The following ACAD9 variants were observed in gnomAD, a reference collection of about 807,000 sequenced individuals.
The protein encoded by ACAD9 is acyl-CoA dehydrogenase family member 9.
ACAD9 carries 53 observed loss-of-function variants against 70.2 expected under a neutral mutation model. The observed-to-expected ratio is 0.75, with a 90% CI of 0.61 to 0.95. The LOEUF (loss-of-function observed/expected upper bound fraction) is 0.95. ACAD9 is among the 40% of genes least tolerant of loss of function. The probability of loss-of-function intolerance (pLI) is 0.00; values close to 1 mark genes in which losing one functional copy is unlikely to be tolerated. For synonymous variants in ACAD9, 313 were observed against 312.1 expected (o/e 1.00, Z -0.03); for missense variants, 777 against 802.8 (o/e 0.97, Z 0.39).
intron 2 of ACAD9, among the ~76,000 whole-genome samples, chr3:128,892,740 G>A (rs1159695235): frequency 6.6e-6 from 1 of 152,222 alleles, no homozygotes; most frequent in African/African-American, 2.4e-5. Flanking sequence ...TGTGGATTGT[G>A]CTGAAAGCAG....
At chr3:128,892,419 A>G (rs185753100) in intron 2 of ACAD9, among the ~76,000 whole-genome samples, 1 of 152,322 alleles carries the variant, frequency 6.6e-6, no homozygotes, top group South Asian at 2.1e-4. Flanking sequence ...TATAATACTG[A>G]TGAAGTTTAA....
At chr3:128,910,904 G>C (rs1559835016) in intron 17 of ACAD9, 91 bp downstream of exon 17, 1 of 1,459,656 alleles carries the variant, frequency 6.9e-7, no homozygotes, top group African/African-American at 1.4e-5. Context: ...CAAGCTCCCA[G>C]AGCCTGCTAG....
chr3:128,887,077 G>A (rs1232205692), intron 2 of ACAD9, among the ~76,000 whole-genome samples: 2 of 151,938 alleles, frequency 1.3e-5, no homozygotes, highest in Admixed American at 6.6e-5. Flanking sequence ...AGCACGCACC[G>A]CCACGCCTGG....
chr3:128,908,355 C>A, intron 13 of ACAD9, 91 bp downstream of exon 13: 1 of 1,465,876 alleles, frequency 6.8e-7, no homozygotes, highest in Non-Finnish European at 9.5e-7. Context: ...GCTGCCTTGA[C>A]CTGGAGTGGG....
intron 2 of ACAD9, 39 bp from the exon 3 acceptor site, chr3:128,893,516 T>TATA: frequency 7.0e-7 from 1 of 1,433,576 alleles, no homozygotes; most frequent in Non-Finnish European, 9.8e-7. Flanking sequence ...TGTAGAAACA[T>TATA]AGCTTATATT....
intron 9 of ACAD9, among the ~76,000 whole-genome samples, chr3:128,903,373 G>T (rs571254212): frequency 3.9e-5 from 6 of 152,342 alleles, no homozygotes; most frequent in Admixed American, 3.3e-4. Context: ...AATGAAAGCT[G>T]TCAGGCTCCA....
In ACAD9 at chr3:128,910,795, C is replaced by T; in HGVS notation, c.1747C>T (p.Leu583Phe). 6 of 1,614,168 alleles carry T rather than the reference C, an allele frequency of 3.7e-6. No individual in the cohort carries two copies. The highest frequency in any genetic ancestry group is 5.1e-6 in the Non-Finnish European group (6 of 1,180,032). Residue 583 changes from leucine (L) to phenylalanine (F), a missense_variant, in exon 17 of 18, where the codon CTC becomes TTC. Coordinates refer to ENST00000308982, the MANE Select transcript of ACAD9 (RefSeq NM_014049.5). ...AGCTTACTTGCAGAATCTCTTCAGC[C>T]TCTCTCAGCTGGACAAGTGTGAGTG... Reference protein sequence around the residue: ...VEAYLQNLFSLSQLDKYAPEN... With the variant: ...VEAYLQNLFSFSQLDKYAPEN...
chr3:128,898,684 G>A (rs1486270431), intron 6 of ACAD9, among the ~76,000 whole-genome samples: 1 of 152,182 alleles, frequency 6.6e-6, no homozygotes, highest in Non-Finnish European at 1.5e-5. Context: ...ACAGGCGTGA[G>A]CCACTGTGCC....
In ACAD9 at chr3:128,911,202, G is replaced by A. The variant is rs58042738; in HGVS notation, c.1765+389G>A. On this transcript the variant is annotated intron_variant, in intron 17 of 17. Transcript: ENST00000308982. ...CTCCCGAGTAGCTGGGATTACAGGC[G>A]CACGCCACCACGCCCGGCTAATTTT... Among the ~76,000 whole-genome samples, 292 of 151,702 alleles carry A rather than the reference G, an allele frequency of 1.9e-3. 2 individuals carry two copies. In the East Asian group the frequency reaches 0.033, roughly 17 times the overall value.
At position 128,909,335 on chromosome 3, in the gene ACAD9, G is replaced by C; in HGVS notation, c.1486-9G>C. On this transcript the variant is annotated splice_polypyrimidine_tract_variant and intron_variant, in intron 14 of 17. Transcript: ENST00000308982. ...GAGGTGCTGAACTGAGTCCTGTCTT[G>C]GTTAATAGGACAGTGCCAACAAGTT... is the stretch of plus-strand genomic sequence containing the variant. 1.2e-6 allele frequency: 2 copies of C among 1,614,108 alleles called. No homozygotes were observed. Among genetic ancestry groups the C allele is most frequent in the Non-Finnish European group, 1.7e-6 (2 of 1,179,950 alleles).
At chr3:128,898,222 G>A (rs1401372103) in intron 6 of ACAD9, among the ~76,000 whole-genome samples, 1 of 152,012 alleles carries the variant, frequency 6.6e-6, no homozygotes, top group Non-Finnish European at 1.5e-5. Context: ...TGTGTGCCTG[G>A]CTGGCCCTAA....
chr3:128,909,425 ACCAGGCCCTC>A lies in ACAD9; in HGVS notation c.1563+12_1563+21del, dbSNP rs2107663277. The A allele has an allele frequency of 6.2e-7, 1 of 1,613,974 alleles. No individual in the cohort carries two copies. The highest frequency in any genetic ancestry group is 8.5e-7 in the Non-Finnish European group (1 of 1,180,044). On this transcript the variant is annotated splice_donor_5th_base_variant and intron_variant, in intron 15 of 17. Transcript: ENST00000308982. Reference sequence around the variant, plus strand: ...ACTGCTGCTCCGCTTTGGCAAGGTAACCAGGCCCTCCCAGGCCTGGGTCGCAAGCGGTCCT... The same window carrying A: ...ACTGCTGCTCCGCTTTGGCAAGGTAACCAGGCCTGGGTCGCAAGCGGTCCT...
At position 128,909,373 on chromosome 3, in the gene ACAD9, C is replaced by T. The variant is rs773757097; in HGVS notation, c.1515C>T (p.Thr505=). The change falls in exon 15 of 18, where the codon ACC becomes ACT. Residue 505 remains threonine (T), a synonymous_variant. Transcript: ENST00000308982. ...ADSANKFEEN[T]YCFGRTVETL... is the part of the protein sequence containing the mutation. Reference sequence around the variant, plus strand: ...GTGCCAACAAGTTTGAGGAGAACACCTACTGCTTCGGCCGGACCGTGGAGA... The same window carrying T: ...GTGCCAACAAGTTTGAGGAGAACACTTACTGCTTCGGCCGGACCGTGGAGA... 4.3e-6 allele frequency: 7 copies of T among 1,614,200 alleles called. No individual in the cohort carries two copies. In the Admixed American group the frequency reaches 6.7e-5, roughly 15 times the overall value.
At chr3:128,887,644 A>AATAAATATATATATATATATATATAT (rs1436892805) in intron 2 of ACAD9, among the ~76,000 whole-genome samples, 49 of 133,020 alleles carry the variant, frequency 3.7e-4, no homozygotes, top group African/African-American at 1.3e-3. Context: ...AAAATAAATA[A>AATAAATATATATATATATATATATAT]ATATATATAT....
At position 128,901,879 on chromosome 3, in the gene ACAD9, C is replaced by T. The variant is rs1183150257; in HGVS notation, c.882+530C>T. Among the ~76,000 whole-genome samples, 3 of 152,172 alleles carry T rather than the reference C, an allele frequency of 2.0e-5. No homozygotes were observed. In the East Asian group the frequency reaches 5.8e-4, roughly 29 times the overall value. ...CATCCAGTATGACCCTTACCCCATC[C>T]CTTGGCTGCTACTCTTTTACTTTAT... On this transcript the variant is annotated intron_variant, in intron 8 of 17. Coordinates refer to ENST00000308982, the MANE Select transcript of ACAD9 (RefSeq NM_014049.5).
chr3:128,908,825 G>C, intron 13 of ACAD9, 148 bp from the exon 14 acceptor site: 1 of 1,296,638 alleles, frequency 7.7e-7, no homozygotes, highest in Non-Finnish European at 1.1e-6. Flanking sequence ...CAGGTGGTGG[G>C]TTTGGGGGGG....
chr3:128,904,421 C>T lies in ACAD9; in HGVS notation c.1065C>T (p.Val355=). ...KFALMAQKAY[V]MESMTYLTAG... ...CACTGATGGCTCAGAAGGCTTACGT[C>T]ATGGAGAGTATGACCTACCTCACAG... Residue 355 remains valine (V), a synonymous_variant, in exon 11 of 18, where the codon GTC becomes GTT. Coordinates refer to ENST00000308982, the MANE Select transcript of ACAD9 (RefSeq NM_014049.5). 6.2e-7 allele frequency: 1 copy of T among 1,614,258 alleles called. No individual in the cohort carries two copies. The highest frequency in any genetic ancestry group is 8.5e-7 in the Non-Finnish European group (1 of 1,180,054).
chr3:128,888,845 A>G (rs1057111268), intron 2 of ACAD9, among the ~76,000 whole-genome samples: 3 of 148,302 alleles, frequency 2.0e-5, no homozygotes, highest in Non-Finnish European at 4.5e-5. Flanking sequence ...ATCTTTTTTT[A>G]GCTCCCATAG....
At chr3:128,880,198 T>C (rs1379445331) in intron 1 of ACAD9, 5 of 440,416 alleles carry the variant, frequency 1.1e-5, no homozygotes, top group South Asian at 8.3e-5. Flanking sequence ...GCTTACACCA[T>C]GTCCCTCCTC....
Sources: gnomAD v4.1 joint callset for allele counts (sites outside exome capture counted in the v4.1 genomes callset) on GRCh38, gnomAD v4.1.1 for gene constraint, MANE v1.5 for transcripts, NCBI Gene and HGNC (gene_info 2026-07-23, HGNC 2026-07-21) for gene names.